The following SNX29 variants were observed in gnomAD, a reference collection of about 807,000 sequenced individuals.
The protein encoded by SNX29 is sorting nexin 29, also known as sorting nexin-29.
Under a neutral mutation model 102.1 loss-of-function variants are expected in SNX29, and 78 were observed. The ratio of observed to expected loss-of-function variants is 0.76; its 90% confidence interval spans 0.64 to 0.92. The LOEUF (loss-of-function observed/expected upper bound fraction) is 0.92, where lower values mean the gene tolerates loss of function less well. Among genes scored for constraint, SNX29 ranks in the 40% least tolerant of loss-of-function variants. SNX29 has a pLI of 0.00. For missense variants in SNX29, 1,280 were observed against 1,061.7 expected, an observed-to-expected ratio of 1.21 and a Z score of -2.86; for synonymous variants, 580 against 414.5, an observed-to-expected ratio of 1.40 and a Z score of -4.85.
intron 8 of SNX29, among the ~76,000 whole-genome samples, chr16:12,055,722 A>G (rs565778058): frequency 6.6e-6 from 1 of 152,186 alleles, no homozygotes; most frequent in Non-Finnish European, 1.5e-5. Context: ...CACTGCTTGC[A>G]TGAAGCCCAC....
At chr16:12,252,789 TG>T (rs1226664324) in intron 14 of SNX29, among the ~76,000 whole-genome samples, 5 of 152,180 alleles carry the variant, frequency 3.3e-5, no homozygotes, top group South Asian at 2.1e-4. Flanking sequence ...CACCCAGCCA[TG>T]GGGAGCCTTT....
At chr16:12,263,799 C>G (rs959171041) in intron 14 of SNX29, among the ~76,000 whole-genome samples, 1 of 152,126 alleles carries the variant, frequency 6.6e-6, no homozygotes, top group African/African-American at 2.4e-5. Context: ...TACAGTCAGG[C>G]TCAAGTGAGG....
At chr16:12,248,276 C>T (rs1203153512) in intron 14 of SNX29, among the ~76,000 whole-genome samples, 1 of 152,134 alleles carries the variant, frequency 6.6e-6, no homozygotes, top group African/African-American at 2.4e-5. Context: ...CATGCCCAAT[C>T]GTTGTTCTTC....
intron 19 of SNX29, among the ~76,000 whole-genome samples, chr16:12,487,531 C>G (rs1597574827): frequency 6.6e-6 from 1 of 152,186 alleles, no homozygotes; most frequent in Admixed American, 6.5e-5. Context: ...AGGAATTGAG[C>G]CGAACTCTGC....
chr16:12,337,913 A>C (rs2151242859), intron 15 of SNX29, among the ~76,000 whole-genome samples: 1 of 152,272 alleles, frequency 6.6e-6, no homozygotes. Context: ...TCTGCAGCCG[A>C]GGAACGGTCG....
At chr16:12,280,480 A>G (rs893471830) in intron 15 of SNX29, among the ~76,000 whole-genome samples, 21 of 152,196 alleles carry the variant, frequency 1.4e-4, no homozygotes, top group African/African-American at 5.1e-4. Flanking sequence ...AGGTTGAGGC[A>G]TGAAGGTTCG....
At chr16:12,437,324 C>T (rs1016855076) in intron 18 of SNX29, among the ~76,000 whole-genome samples, 1 of 128,484 alleles carries the variant, frequency 7.8e-6, no homozygotes, top group African/African-American at 2.6e-5. Flanking sequence ...ACACTGTGCT[C>T]TCAGCTCAGG....
chr16:12,042,834 G>T (rs896760624), intron 4 of SNX29, 63 bp from the exon 5 acceptor site: 1 of 1,519,288 alleles, frequency 6.6e-7, no homozygotes, highest in Admixed American at 2.0e-5. Context: ...GGCTTTGTGT[G>T]TTCCTCTCCC....
chr16:12,427,762 A>G (rs1020296490), intron 18 of SNX29, among the ~76,000 whole-genome samples: 2 of 152,200 alleles, frequency 1.3e-5, no homozygotes, highest in African/African-American at 2.4e-5. Context: ...AGGATTCTCT[A>G]TGTTGGCTTC....
At chr16:12,109,953 A>G (rs1313183178) in intron 11 of SNX29, among the ~76,000 whole-genome samples, 1 of 151,090 alleles carries the variant, frequency 6.6e-6, no homozygotes, top group Admixed American at 6.6e-5. Context: ...CTGGTCTTGA[A>G]CTCCTGCCCT....
intron 3 of SNX29, among the ~76,000 whole-genome samples, chr16:12,011,443 T>G (rs1200793342): frequency 6.6e-6 from 1 of 151,794 alleles, no homozygotes; most frequent in Non-Finnish European, 1.5e-5. Flanking sequence ...CCCAGCTAAT[T>G]TTTGTGTTTT....
intron 15 of SNX29, among the ~76,000 whole-genome samples, chr16:12,325,286 A>G (rs1343009044): frequency 6.6e-6 from 1 of 152,198 alleles, no homozygotes; most frequent in Non-Finnish European, 1.5e-5. Context: ...TTTGCATGGT[A>G]TCATAACAGA....
At chr16:12,138,988 G>C (rs746415332) in intron 13 of SNX29, among the ~76,000 whole-genome samples, 2 of 152,028 alleles carry the variant, frequency 1.3e-5, no homozygotes, top group South Asian at 4.2e-4. Flanking sequence ...GGATCACTGA[G>C]GTCAGGAGTT....
chr16:12,535,811 C>T (rs1321639152), intron 20 of SNX29, among the ~76,000 whole-genome samples: 2 of 152,160 alleles, frequency 1.3e-5, no homozygotes, highest in Non-Finnish European at 1.5e-5. Context: ...CTGTGTAAGC[C>T]TTGCCGCCAC....
intron 4 of SNX29, among the ~76,000 whole-genome samples, chr16:12,034,888 G>A (rs2057432220): frequency 6.6e-6 from 1 of 152,122 alleles, no homozygotes; most frequent in South Asian, 2.1e-4. Flanking sequence ...GTAGGCACCT[G>A]TAATTCCAGC....
chr16:11,984,499 G>C (rs1385486024), intron 1 of SNX29, among the ~76,000 whole-genome samples: 4 of 151,986 alleles, frequency 2.6e-5, no homozygotes, highest in Admixed American at 2.6e-4. Context: ...TTGCTCCATG[G>C]GCTCACTATT....
At chr16:12,032,535 A>G (rs1567546987) in intron 4 of SNX29, among the ~76,000 whole-genome samples, 2 of 151,926 alleles carry the variant, frequency 1.3e-5, no homozygotes, top group African/African-American at 2.4e-5. Flanking sequence ...AAGGCTGAAC[A>G]ATATTTTTGA....
chr16:12,495,509 C>T (rs1004037830), intron 19 of SNX29, among the ~76,000 whole-genome samples: 2 of 152,222 alleles, frequency 1.3e-5, no homozygotes, highest in Non-Finnish European at 2.9e-5. Context: ...AGTTAGTTCC[C>T]TCCATTACAT....
chr16:12,389,207 A>C (rs751256042), intron 16 of SNX29, among the ~76,000 whole-genome samples: 1 of 152,118 alleles, frequency 6.6e-6, no homozygotes, highest in African/African-American at 2.4e-5. Flanking sequence ...CCTGTGCCTC[A>C]GTTTCCCTGG....
Sources: allele counts gnomAD v4.1 joint callset (sites outside exome capture counted in the v4.1 genomes callset), GRCh38; gene constraint gnomAD v4.1.1; transcripts MANE v1.5; gene names NCBI Gene and HGNC (gene_info 2026-07-23, HGNC 2026-07-21).